WDR36: variants seen among roughly 807,000 people sequenced by gnomAD.
WDR36 encodes the protein WD repeat-containing protein 36.
WDR36 carries 63 observed loss-of-function variants against 112.7 expected under a neutral mutation model. The ratio of observed to expected loss-of-function variants is 0.56; its 90% CI spans 0.46 to 0.69. The LOEUF (loss-of-function observed/expected upper bound fraction) is 0.69. WDR36 is among the 30% of genes least tolerant of loss of function. The pLI, the probability that WDR36 is intolerant of heterozygous loss-of-function variation, is 0.00. For missense variants in WDR36, 1,226 were observed against 1,070.3 expected, an observed-to-expected ratio of 1.15 and a Z score of -2.03; for synonymous variants, 410 against 362.2, an observed-to-expected ratio of 1.13 and a Z score of -1.50.
At chr5:111,124,223 A>G (rs369572156) in intron 21 of WDR36, 34 bp downstream of exon 21, 21 of 1,523,986 alleles carry the variant, frequency 1.4e-5, no homozygotes, top group African/African-American at 1.1e-4. Context: ...TAACTAATAT[A>G]TTTAGCTTAT....
At position 111,092,558 on chromosome 5, in the gene WDR36, C is replaced by G; in HGVS notation, c.102C>G (p.Ser34Arg). The change falls in exon 1 of 23, where the codon AGC becomes AGG. Residue 34 changes from serine (S) to arginine (R), a missense_variant. Physicochemically the swap from Ser to Arg is moderately radical, Grantham distance 110. Coordinates refer to ENST00000513710, the MANE Select transcript of WDR36 (RefSeq NM_139281.3). ...ACATTCCACACGTGGTGCGGTTCAG[C>G]GCGCTCAAGCGCCGGTTCTATGTAA... ...SNDIPHVVRF[S>R]ALKRRFYVTT... 1 of 1,614,170 alleles carries G rather than the reference C, an allele frequency of 6.2e-7. No individual in the cohort carries two copies. Among genetic ancestry groups the G allele is most frequent in the Non-Finnish European group, 8.5e-7 (1 of 1,180,032 alleles).
chr5:111,120,568 G>A lies in WDR36; in HGVS notation c.1977G>A (p.Met659Ile), dbSNP rs1158898574. ...CAGATTATGTCCCTTCAATAGTCAT[G>A]CTTCCTGGTACTTGTCAAACCCAAG... The part of the protein sequence containing the change: ...LPADYVPSIV[M>I]LPGTCQTQDV... The change falls in exon 18 of 23, where the codon ATG becomes ATA. Residue 659 changes from methionine to isoleucine, a missense_variant. Physicochemically the swap from Met to Ile is conservative, Grantham distance 10. Coordinates refer to ENST00000513710, the MANE Select transcript of WDR36 (RefSeq NM_139281.3). 6.2e-7 allele frequency: 1 copy of A among 1,612,536 alleles called. No homozygotes were observed. Among genetic ancestry groups the A allele is most frequent in the Non-Finnish European group, 8.5e-7 (1 of 1,178,982 alleles).
intron 12 of WDR36, among the ~76,000 whole-genome samples, chr5:111,108,093 A>T (rs958257567): frequency 3.3e-5 from 5 of 151,418 alleles, no homozygotes; most frequent in African/African-American, 1.2e-4. Flanking sequence ...TCTCTGATCT[A>T]TGAACATGGG....
Position 111,100,686 on chromosome 5 carries a change from A to G in WDR36, c.507A>G (p.Glu169=), listed in dbSNP as rs761523332. 3 of 1,609,336 alleles carry G rather than the reference A, an allele frequency of 1.9e-6. No individual in the cohort carries two copies. Among genetic ancestry groups the G allele is most frequent in the Middle Eastern group, 1.7e-4 (1 of 6,032 alleles). The part of the protein sequence containing the change: ...TYLNKILLGS[E]QGSLQLWNVK... ...TGAATAAAATACTTCTGGGCAGTGA[A>G]CAAGGAAGCCTGCAGTTGTGGAATG... is the stretch of plus-strand genomic sequence containing the variant. Residue 169 remains glutamate, a synonymous_variant, in exon 5 of 23, where the codon GAA becomes GAG. Transcript: ENST00000513710.
chr5:111,109,118 A>G (rs1375929173), intron 12 of WDR36, among the ~76,000 whole-genome samples: 2 of 151,440 alleles, frequency 1.3e-5, no homozygotes, highest in South Asian at 4.1e-4. Flanking sequence ...ACTAAAAACA[A>G]TAACTCCCCT....
At chr5:111,095,021 C>T (rs1752946304) in intron 2 of WDR36, 74 bp downstream of exon 2, 4 of 1,395,260 alleles carry the variant, frequency 2.9e-6, no homozygotes, top group Non-Finnish European at 4.0e-6. Context: ...GTGAGACTTA[C>T]AGAGCATATA....
At position 111,125,623 on chromosome 5, in the gene WDR36, A is replaced by T. The variant is rs1406217849; in HGVS notation, c.2366A>T (p.Asn789Ile). ...LVNNKYDTAL[N>I]LLKESGPSGI... The stretch of plus-strand genomic sequence containing the variant: ...TTTAATGCAGATGACACTGCTCTCA[A>T]CCTTCTGAAAGAATCAGGCCCATCA... The change falls in exon 22 of 23, where the codon AAC (asparagine) becomes ATC (isoleucine). Residue 789 changes from asparagine to isoleucine, a missense_variant. Coordinates refer to ENST00000513710, the MANE Select transcript of WDR36 (RefSeq NM_139281.3). 2.5e-6 allele frequency: 4 copies of T among 1,613,636 alleles called. No individual in the cohort carries two copies. The highest frequency in any genetic ancestry group is 1.7e-4 in the Middle Eastern group (1 of 6,058).
At chr5:111,123,556 A>C (rs1432492267) in intron 19 of WDR36, among the ~76,000 whole-genome samples, 1 of 152,198 alleles carries the variant, frequency 6.6e-6, no homozygotes, top group Non-Finnish European at 1.5e-5. Flanking sequence ...TTTGTCTTAG[A>C]ACTTCCCCTG....
chr5:111,092,564 C>A lies in WDR36; in HGVS notation c.108C>A (p.Leu36=). 1 of 1,614,180 alleles carries A rather than the reference C, an allele frequency of 6.2e-7. No homozygotes were observed. The highest frequency in any genetic ancestry group is 1.1e-5 in the South Asian group (1 of 91,076). Residue 36 remains leucine (L), a synonymous_variant, in exon 1 of 23, where the codon CTC becomes CTA. Transcript: ENST00000513710. ...DIPHVVRFSA[L]KRRFYVTTCV... Reference sequence around the variant, plus strand: ...CACACGTGGTGCGGTTCAGCGCGCTCAAGCGCCGGTTCTATGTAACAACCT... The same window carrying A: ...CACACGTGGTGCGGTTCAGCGCGCTAAAGCGCCGGTTCTATGTAACAACCT...
chr5:111,092,898 C>T (rs903197603), intron 1 of WDR36, among the ~76,000 whole-genome samples: 2 of 152,252 alleles, frequency 1.3e-5, no homozygotes, highest in African/African-American at 4.8e-5. Flanking sequence ...TATTTATTGA[C>T]CTTCCCTTGA....
At chr5:111,109,767 T>G (rs1173810054) in intron 12 of WDR36, among the ~76,000 whole-genome samples, 2 of 151,408 alleles carry the variant, frequency 1.3e-5, no homozygotes, top group Non-Finnish European at 3.0e-5. Context: ...TGCTTGGCCA[T>G]TCTAACTAAT....
intron 16 of WDR36, among the ~76,000 whole-genome samples, chr5:111,116,345 G>GAGA (rs1274980934): frequency 6.6e-6 from 1 of 152,120 alleles, no homozygotes; most frequent in Non-Finnish European, 1.5e-5. Context: ...ACTTCCTGAG[G>GAGA]AGAATTACAT....
At chr5:111,113,046 A>ATATATG (rs750571189) in intron 15 of WDR36, 28 bp from the exon 16 acceptor site, 10 of 429,076 alleles carry the variant, frequency 2.3e-5, no homozygotes, top group Non-Finnish European at 1.0e-5. Flanking sequence ...ATATATATAT[A>ATATATG]TATATATTTT....
intron 16 of WDR36, among the ~76,000 whole-genome samples, chr5:111,116,766 T>TC (rs1753464601): frequency 6.6e-6 from 1 of 152,080 alleles, no homozygotes; most frequent in Non-Finnish European, 1.5e-5. Flanking sequence ...ATAATGGAAG[T>TC]CCCATCTACC....
At chr5:111,097,552 A>G (rs1018788412) in intron 3 of WDR36, among the ~76,000 whole-genome samples, 1 of 152,144 alleles carries the variant, frequency 6.6e-6, no homozygotes, top group Non-Finnish European at 1.5e-5. Flanking sequence ...TTGCACCACC[A>G]CTTTATGTGG....
At chr5:111,119,190 A>ATCCTT (rs1192508169) in intron 17 of WDR36, 70 bp downstream of exon 17, 7 of 1,272,608 alleles carry the variant, frequency 5.5e-6, no homozygotes, top group Non-Finnish European at 2.3e-6. Context: ...GAGTTGCTAA[A>ATCCTT]ATTGTCATTT....
intron 20 of WDR36, 37 bp from the exon 21 acceptor site, chr5:111,124,071 G>T: frequency 6.2e-7 from 1 of 1,606,510 alleles, no homozygotes; most frequent in East Asian, 2.2e-5. Context: ...GGTGATACTT[G>T]AATTATTTGA....
At chr5:111,103,725 A>T in intron 6 of WDR36, 61 bp from the exon 7 acceptor site, 1 of 1,595,766 alleles carries the variant, frequency 6.3e-7, no homozygotes, top group Non-Finnish European at 8.6e-7. Flanking sequence ...GATGCGTATC[A>T]TCAGGATTAT....
chr5:111,103,667 C>T (rs1012937255), intron 6 of WDR36, 119 bp from the exon 7 acceptor site: 9 of 1,308,322 alleles, frequency 6.9e-6, no homozygotes, highest in African/African-American at 1.5e-5. Flanking sequence ...GTTTTTCTGC[C>T]ATCTTTTAGA....
Sources: gnomAD v4.1 joint callset for allele counts (sites outside exome capture counted in the v4.1 genomes callset) on GRCh38, gnomAD v4.1.1 for gene constraint, MANE v1.5 for transcripts, NCBI Gene and HGNC (gene_info 2026-07-23, HGNC 2026-07-21) for gene names.